Variants in ZNF385D observed in about 807,000 individuals in gnomAD.
ZNF385D encodes zinc finger protein 385D.
In ZNF385D, 15 loss-of-function variants were observed where a neutral mutation model predicts 35.8. That is an observed-to-expected ratio of 0.42 (90% CI 0.28 to 0.64). The LOEUF is 0.64. Among genes scored for constraint, ZNF385D ranks in the 30% least tolerant of loss-of-function variants. ZNF385D has a pLI of 0.23. For synonymous variants in ZNF385D, 212 were observed against 186.8 expected (o/e 1.13, Z -1.10); for missense variants, 474 against 494.6 (o/e 0.96, Z 0.39).
At chr3:21,898,218 G>T (rs1699232672) in intron 3 of ZNF385D, among the ~76,000 whole-genome samples, 1 of 152,030 alleles carries the variant, frequency 6.6e-6, no homozygotes, top group African/African-American at 2.4e-5. Context: ...AGTGATGTTC[G>T]ATATCACAAA....
chr3:21,616,781 T>A (rs1426948791), intron 2 of ZNF385D, among the ~76,000 whole-genome samples: 1 of 152,172 alleles, frequency 6.6e-6, no homozygotes, highest in Non-Finnish European at 1.5e-5. Context: ...CTTCTCATGA[T>A]TTTTGTGTGT....
intron 3 of ZNF385D, among the ~76,000 whole-genome samples, chr3:22,151,110 C>T (rs1409422071): frequency 2.0e-5 from 3 of 152,140 alleles, no homozygotes; most frequent in East Asian, 3.9e-4. Context: ...GATGTGTCTT[C>T]CCTTATGCCA....
intron 3 of ZNF385D, among the ~76,000 whole-genome samples, chr3:21,795,317 C>G (rs1430984577): frequency 6.6e-6 from 1 of 152,182 alleles, no homozygotes; most frequent in African/African-American, 2.4e-5. Context: ...TCTGTGCCTC[C>G]CCAGATCACA....
At chr3:21,767,667 G>C (rs1017673166) in intron 3 of ZNF385D, among the ~76,000 whole-genome samples, 1 of 151,940 alleles carries the variant, frequency 6.6e-6, no homozygotes, top group South Asian at 2.1e-4. Flanking sequence ...TGAATGGGAA[G>C]AGAGTTAAGG....
intron 2 of ZNF385D, among the ~76,000 whole-genome samples, chr3:22,357,926 A>G (rs1220998229): frequency 6.6e-6 from 1 of 151,922 alleles, no homozygotes. Flanking sequence ...AAATATTAGG[A>G]AACAGATTTA....
At chr3:22,103,213 C>A (rs985801469) in intron 3 of ZNF385D, among the ~76,000 whole-genome samples, 1 of 49,974 alleles carries the variant, frequency 2.0e-5, no homozygotes, top group Non-Finnish European at 4.2e-5. Flanking sequence ...GCCCTGGGGC[C>A]ATTTTTTTTT....
At chr3:22,163,360 G>A (rs1198376892) in intron 3 of ZNF385D, among the ~76,000 whole-genome samples, 1 of 152,118 alleles carries the variant, frequency 6.6e-6, no homozygotes, top group Non-Finnish European at 1.5e-5. Context: ...ACCGAAGTTA[G>A]TCTTAACTGC....
intron 3 of ZNF385D, among the ~76,000 whole-genome samples, chr3:22,122,210 G>C (rs895874350): frequency 6.6e-6 from 1 of 151,986 alleles, no homozygotes; most frequent in African/African-American, 2.4e-5. Flanking sequence ...TAGTTAATAA[G>C]TTTACCTTCT....
At chr3:22,196,338 C>A (rs1696411356) in intron 2 of ZNF385D, among the ~76,000 whole-genome samples, 1 of 149,440 alleles carries the variant, frequency 6.7e-6, no homozygotes, top group Non-Finnish European at 1.5e-5. Context: ...TACTTCATAT[C>A]TTACGTTTAT....
intron 1 of ZNF385D, among the ~76,000 whole-genome samples, chr3:21,708,056 G>C (rs2067972399): frequency 2.6e-5 from 4 of 152,172 alleles, no homozygotes; most frequent in Non-Finnish European, 1.5e-5. Flanking sequence ...ATCTGTCAAA[G>C]AAGCAGCTAG....
intron 3 of ZNF385D, among the ~76,000 whole-genome samples, chr3:22,025,443 A>C (rs578067758): frequency 7.2e-5 from 11 of 152,254 alleles, no homozygotes; most frequent in Admixed American, 3.9e-4. Context: ...TGAGTTCTCT[A>C]ATCTATATAA....
intron 3 of ZNF385D, among the ~76,000 whole-genome samples, chr3:22,010,226 G>A (rs1206503761): frequency 1.3e-5 from 2 of 152,198 alleles, no homozygotes; most frequent in Non-Finnish European, 1.5e-5. Flanking sequence ...AAAGGCAGAA[G>A]CATAAAACGT....
chr3:21,620,998 G>GCA (rs112953905), intron 2 of ZNF385D, among the ~76,000 whole-genome samples: 4,062 of 150,660 alleles, frequency 0.027, 101 homozygotes, highest in South Asian at 0.12. Context: ...GTGTGTGTGC[G>GCA]CACACACACA....
At chr3:22,216,239 T>G (rs1697876469) in intron 2 of ZNF385D, among the ~76,000 whole-genome samples, 1 of 152,002 alleles carries the variant, frequency 6.6e-6, no homozygotes, top group Non-Finnish European at 1.5e-5. Flanking sequence ...TACTCAAATT[T>G]TGTAACTTGA....
chr3:21,632,938 A>C (rs1483817394), intron 2 of ZNF385D, among the ~76,000 whole-genome samples: 1 of 152,122 alleles, frequency 6.6e-6, no homozygotes, highest in East Asian at 1.9e-4. Flanking sequence ...TTACTTGATG[A>C]ATTCATTTAT....
chr3:21,617,936 T>C (rs1195785770), intron 2 of ZNF385D, among the ~76,000 whole-genome samples: 1 of 152,130 alleles, frequency 6.6e-6, no homozygotes, highest in Non-Finnish European at 1.5e-5. Context: ...CAGTTCTCCA[T>C]TTGTGGGAAT....
chr3:22,203,257 C>G (rs2125246429), intron 2 of ZNF385D, among the ~76,000 whole-genome samples: 1 of 152,202 alleles, frequency 6.6e-6, no homozygotes, highest in East Asian at 1.9e-4. Flanking sequence ...TAGGGCCTAC[C>G]TCCCAGCTGA....
intron 2 of ZNF385D, among the ~76,000 whole-genome samples, chr3:21,613,525 T>C (rs2064751797): frequency 6.6e-6 from 1 of 152,138 alleles, no homozygotes; most frequent in Non-Finnish European, 1.5e-5. Context: ...AAAATCCTCC[T>C]CTGTGGGTTA....
intron 3 of ZNF385D, among the ~76,000 whole-genome samples, chr3:21,787,944 C>CAAAAAAAAAAAAAA (rs560982379): frequency 7.2e-4 from 54 of 75,382 alleles, no homozygotes; most frequent in Middle Eastern, 9.4e-3. Flanking sequence ...TTCGTCTCAA[C>CAAAAAAAAAAAAAA]AAAAAAAAAA....
Sources: gnomAD v4.1 joint callset for allele counts (sites outside exome capture counted in the v4.1 genomes callset) on GRCh38, gnomAD v4.1.1 for gene constraint, MANE v1.5 for transcripts, NCBI Gene and HGNC (gene_info 2026-07-23, HGNC 2026-07-21) for gene names.